SYNJ2: variants seen among roughly 807,000 people sequenced by gnomAD.
SYNJ2 encodes the protein synaptojanin 2.
SYNJ2 carries 116 observed loss-of-function variants against 141.3 expected under a neutral mutation model. The ratio of observed to expected loss-of-function variants is 0.82; its 90% CI spans 0.71 to 0.96. SYNJ2 has a LOEUF of 0.96. Ranked by LOEUF, SYNJ2 falls within the 40% of genes least tolerant of loss-of-function variation. The pLI is 0.00. For synonymous variants in SYNJ2, 745 were observed against 777.7 expected (o/e 0.96, Z 0.70); for missense variants, 1,873 against 1,934.8 (o/e 0.97, Z 0.60).
chr6:158,004,968 C>T (rs1777999855), intron 1 of SYNJ2, among the ~76,000 whole-genome samples: 1 of 152,092 alleles, frequency 6.6e-6, no homozygotes. Flanking sequence ...CCTGCAGCCA[C>T]TCGCTCCCAT....
At chr6:158,046,422 C>T (rs540650521) in intron 5 of SYNJ2, among the ~76,000 whole-genome samples, 1 of 152,294 alleles carries the variant, frequency 6.6e-6, no homozygotes, top group South Asian at 2.1e-4. Context: ...GGTGGTCTAC[C>T]GTCACCGGCT....
chr6:158,083,640 G>A, intron 21 of SYNJ2, 43 bp downstream of exon 21: 1 of 1,611,288 alleles, frequency 6.2e-7, no homozygotes. Flanking sequence ...CGTTCTTCTA[G>A]CAACAGGCCT....
At chr6:158,063,971 G>T (rs1372832286) in intron 9 of SYNJ2, 99 bp downstream of exon 9, 7 of 1,249,012 alleles carry the variant, frequency 5.6e-6, no homozygotes, top group Non-Finnish European at 8.0e-6. Context: ...GATGAGGGTG[G>T]CATCACCAAG....
Position 158,093,029 on chromosome 6 carries a change from G to GC in SYNJ2, c.3674dup (p.Leu1226ThrfsTer32), listed in dbSNP as rs761465339. The GC allele has an allele frequency of 6.2e-7, 1 of 1,611,772 alleles. No individual in the cohort carries two copies. The highest frequency in any genetic ancestry group is 8.5e-7 in the Non-Finnish European group (1 of 1,179,352). On this transcript the variant is annotated frameshift_variant, in exon 26 of 27. Coordinates refer to ENST00000355585, the MANE Select transcript of SYNJ2 (RefSeq NM_003898.4). LOFTEE classifies it high-confidence loss of function. ...CAGCCAAACCAGAGACCCCACAGGC[G>GC]CCCCCACTCCTTCCCCGTCGGCCCC...
In SYNJ2 at chr6:158,063,781, T is replaced by A. The variant is rs368939133; in HGVS notation, c.1128-10T>A. 5 of 1,611,972 alleles carry A rather than the reference T, an allele frequency of 3.1e-6. No homozygotes were observed. The highest frequency in any genetic ancestry group is 1.3e-5 in the African/African-American group (1 of 74,840). ...AACATATAACCGTTTACATTTCTTC[T>A]TGTCCTAAGTTTTCAGAAAGGCACT... On this transcript the variant is annotated splice_polypyrimidine_tract_variant and intron_variant, in intron 8 of 26. Transcript: ENST00000355585.
intron 7 of SYNJ2, among the ~76,000 whole-genome samples, chr6:158,060,441 ACTCT>A (rs1204721407): frequency 6.6e-6 from 1 of 151,536 alleles, no homozygotes; most frequent in Non-Finnish European, 1.5e-5. Context: ...ATAGAGAAAA[ACTCT>A]CTCGTTGTTT....
chr6:158,068,100 T>C (rs776191790), intron 12 of SYNJ2: 10 of 483,336 alleles, frequency 2.1e-5, no homozygotes, highest in Non-Finnish European at 2.7e-5. Context: ...TGGTTACTAT[T>C]GCCAAGCAGA....
chr6:158,033,963 C>T (rs760091404), intron 4 of SYNJ2, among the ~76,000 whole-genome samples: 2 of 152,094 alleles, frequency 1.3e-5, no homozygotes, highest in East Asian at 3.8e-4. Context: ...TTGCCTTGGT[C>T]GTGAAAGGTG....
At chr6:158,009,902 C>T (rs1583311691) in intron 1 of SYNJ2, among the ~76,000 whole-genome samples, 1 of 152,204 alleles carries the variant, frequency 6.6e-6, no homozygotes, top group African/African-American at 2.4e-5. Flanking sequence ...GGTGTGTGTT[C>T]TCTGCTCACC....
At position 157,988,158 on chromosome 6, in the gene SYNJ2, C is replaced by T. The variant is rs374715442; in HGVS notation, c.127+6070C>T. ...GCAGACTGTGCAGCCGTATGTCCAC[C>T]CCAGGCCCGGGCGTTGGGGTGGCAA... On this transcript the variant is annotated intron_variant, in intron 1 of 26. Transcript: ENST00000355585. Among the ~76,000 whole-genome samples, 282 of 152,356 alleles carry T rather than the reference C, an allele frequency of 1.9e-3. 4 individuals are homozygous for T. The highest frequency in any genetic ancestry group is 5.5e-3 in the African/African-American group (227 of 41,602).
At chr6:158,053,275 G>A (rs780596688) in intron 5 of SYNJ2, among the ~76,000 whole-genome samples, 17 of 151,994 alleles carry the variant, frequency 1.1e-4, no homozygotes, top group Non-Finnish European at 2.2e-4. Context: ...CTCCACTTAC[G>A]GTTAATATGT....
At chr6:157,994,200 C>T (rs1777561624) in intron 1 of SYNJ2, among the ~76,000 whole-genome samples, 1 of 152,162 alleles carries the variant, frequency 6.6e-6, no homozygotes, top group Admixed American at 6.5e-5. Flanking sequence ...TGAATCTTAT[C>T]AATGACTGAT....
intron 1 of SYNJ2, among the ~76,000 whole-genome samples, chr6:158,015,786 T>A (rs111803368): frequency 2.5e-4 from 38 of 152,346 alleles, no homozygotes; most frequent in African/African-American, 8.2e-4. Flanking sequence ...TTTTTAAAAA[T>A]TTTGATAACT....
chr6:157,999,310 T>C (rs751445928), intron 1 of SYNJ2, among the ~76,000 whole-genome samples: 9 of 152,254 alleles, frequency 5.9e-5, no homozygotes, highest in Non-Finnish European at 8.8e-5. Context: ...GATTCAGGCA[T>C]GGAGCTCAGG....
chr6:158,021,773 A>G (rs1359468311), intron 2 of SYNJ2, among the ~76,000 whole-genome samples: 2 of 152,230 alleles, frequency 1.3e-5, no homozygotes, highest in Non-Finnish European at 2.9e-5. Flanking sequence ...TTCTCTAGCA[A>G]GTCTTGAAGC....
At chr6:158,009,966 C>G (rs2067939581) in intron 1 of SYNJ2, among the ~76,000 whole-genome samples, 1 of 152,214 alleles carries the variant, frequency 6.6e-6, no homozygotes, top group South Asian at 2.1e-4. Flanking sequence ...GTTTTTGAGA[C>G]AGGGTAGTGG....
intron 1 of SYNJ2, among the ~76,000 whole-genome samples, chr6:158,007,589 T>G (rs1778121384): frequency 6.6e-6 from 1 of 152,254 alleles, no homozygotes. Context: ...GTGATGATGT[T>G]GAGGAATTGC....
Position 158,093,044 on chromosome 6 carries a change from C to T in SYNJ2, c.3684C>T (p.Pro1228=). Residue 1228 remains proline, a synonymous_variant, in exon 26 of 27, where the codon CCC becomes CCT. Transcript: ENST00000355585. ...CCCCACAGGCGCCCCCACTCCTTCC[C>T]CGTCGGCCCCCACCCAGAGTTCCTG... ...PETPQAPPLL[P]RRPPPRVPAI... 1.2e-6 allele frequency: 2 copies of T among 1,609,864 alleles called. No homozygotes were observed.
chr6:158,038,349 C>T (rs540357729), intron 4 of SYNJ2, among the ~76,000 whole-genome samples: 2 of 152,300 alleles, frequency 1.3e-5, no homozygotes, highest in East Asian at 1.9e-4. Context: ...GGCACCACCA[C>T]CTGCCGCTCA....
Sources: gnomAD v4.1 joint callset for allele counts (sites outside exome capture counted in the v4.1 genomes callset) on GRCh38, gnomAD v4.1.1 for gene constraint, MANE v1.5 for transcripts, NCBI Gene and HGNC (gene_info 2026-07-23, HGNC 2026-07-21) for gene names.